CHSY3: variants seen among roughly 807,000 people sequenced by gnomAD.
CHSY3 encodes the protein chondroitin sulfate synthase 3.
Under a neutral mutation model 67.2 loss-of-function variants are expected in CHSY3, and 35 were observed. The observed-to-expected ratio is 0.52, with a 90% CI of 0.40 to 0.69. The LOEUF is 0.69. CHSY3 is among the 30% of genes least tolerant of loss of function. The pLI is 0.00. For missense variants in CHSY3, 1,069 were observed against 1,138.5 expected, an observed-to-expected ratio of 0.94 and a Z score of 0.88; for synonymous variants, 474 against 434.7, an observed-to-expected ratio of 1.09 and a Z score of -1.12.
At position 129,918,222 on chromosome 5, in the gene CHSY3, A is replaced by T. The variant is rs539802708; in HGVS notation, c.1086+9862A>T. Among the ~76,000 whole-genome samples, 3 of 152,324 alleles carry T rather than the reference A, an allele frequency of 2.0e-5. No homozygotes were observed. In the East Asian group the frequency reaches 5.8e-4, roughly 29 times the overall value. ...AAATATCCAAGGTGGATTTTAAAAC[A>T]TTCTCATAAAGATATGTTTTCACTG... On this transcript the variant is annotated intron_variant, in intron 2 of 2. Transcript: ENST00000305031.
At chr5:130,170,890 G>C (rs78677170) in intron 2 of CHSY3, among the ~76,000 whole-genome samples, 1,799 of 151,636 alleles carry the variant, frequency 0.012, 25 homozygotes, top group African/African-American at 0.039. Flanking sequence ...GTTTTTCAGA[G>C]GTCTTGAAAG....
At chr5:130,006,813 A>G (rs1763890896) in intron 2 of CHSY3, among the ~76,000 whole-genome samples, 1 of 152,226 alleles carries the variant, frequency 6.6e-6, no homozygotes, top group Admixed American at 6.5e-5. Flanking sequence ...TAAAAAATTT[A>G]TCTAATCCCA....
chr5:130,089,981 G>A (rs1766819882), intron 2 of CHSY3, among the ~76,000 whole-genome samples: 1 of 152,162 alleles, frequency 6.6e-6, no homozygotes, highest in African/African-American at 2.4e-5. Flanking sequence ...AAACACAGTA[G>A]AGGGAACGCA....
At chr5:130,031,908 A>T (rs370903929) in intron 2 of CHSY3, among the ~76,000 whole-genome samples, 13 of 152,308 alleles carry the variant, frequency 8.5e-5, no homozygotes, top group African/African-American at 3.1e-4. Flanking sequence ...CCCAAGCCAA[A>T]CATTTTGATA....
At chr5:129,963,012 G>A (rs1160216064) in intron 2 of CHSY3, among the ~76,000 whole-genome samples, 1 of 151,868 alleles carries the variant, frequency 6.6e-6, no homozygotes, top group Non-Finnish European at 1.5e-5. Context: ...GTTGCTGGGA[G>A]CCTCAAAGGT....
At chr5:129,975,398 T>G (rs1762777939) in intron 2 of CHSY3, among the ~76,000 whole-genome samples, 1 of 152,150 alleles carries the variant, frequency 6.6e-6, no homozygotes, top group African/African-American at 2.4e-5. Flanking sequence ...ACTTTCAATT[T>G]CTGAAGGAAG....
intron 2 of CHSY3, among the ~76,000 whole-genome samples, chr5:130,020,438 TATATATATATATATA>T (rs1471889575): frequency 5.1e-3 from 21 of 4,090 alleles, no homozygotes; most frequent in African/African-American, 8.7e-3. Context: ...TATATATATA[TATATATATATATATA>T]TATATATATT....
At chr5:130,128,503 C>G (rs1238104754) in intron 2 of CHSY3, among the ~76,000 whole-genome samples, 1 of 151,790 alleles carries the variant, frequency 6.6e-6, no homozygotes, top group Non-Finnish European at 1.5e-5. Context: ...TGGTAATTAC[C>G]AGAGGCTGAG....
At chr5:130,085,668 C>T (rs1766592669) in intron 2 of CHSY3, among the ~76,000 whole-genome samples, 1 of 151,558 alleles carries the variant, frequency 6.6e-6, no homozygotes, top group Non-Finnish European at 1.5e-5. Flanking sequence ...AATGTGTTTG[C>T]TCTTGCTTTT....
chr5:130,180,341 C>A (rs1770206568), intron 2 of CHSY3, among the ~76,000 whole-genome samples: 1 of 151,988 alleles, frequency 6.6e-6, no homozygotes. Flanking sequence ...CTATTGTTTT[C>A]TAAATAGCCT....
chr5:129,966,575 C>G lies in CHSY3; in HGVS notation c.1086+58215C>G, dbSNP rs890584726. Among the ~76,000 whole-genome samples, 6 of 151,598 alleles carry G rather than the reference C, an allele frequency of 4.0e-5. No individual in the cohort carries two copies. In the South Asian group the frequency reaches 6.3e-4, roughly 16 times the overall value. The stretch of plus-strand genomic sequence containing the variant: ...ATAACAAATACCTTTATTTGTGTCT[C>G]ATAACATCTCGGAGGTATGAAAATT... On this transcript the variant is annotated intron_variant, in intron 2 of 2. Coordinates refer to ENST00000305031, the MANE Select transcript of CHSY3 (RefSeq NM_175856.5).
intron 2 of CHSY3, among the ~76,000 whole-genome samples, chr5:130,089,957 T>C (rs1259632560): frequency 3.3e-5 from 5 of 152,188 alleles, no homozygotes; most frequent in African/African-American, 1.2e-4. Context: ...TGTAACTGAT[T>C]GATTGAACCA....
rs143500882 is a variant in CHSY3 at position 130,104,419 on chromosome 5, C to T, written c.1087-79810C>T. 9.9e-5 allele frequency among the ~76,000 whole-genome samples: 15 copies of T among 151,824 alleles called. No individual in the cohort carries two copies. In the East Asian group the frequency reaches 1.7e-3, roughly 18 times the overall value. On this transcript the variant is annotated intron_variant, in intron 2 of 2. Coordinates refer to ENST00000305031, the MANE Select transcript of CHSY3 (RefSeq NM_175856.5). ...TGTTTTCAGATACCTCCTTCCATCA[C>T]GGTAATGTGCTTTTGTTGATGAAAC...
chr5:129,985,361 C>T (rs2149625866), intron 2 of CHSY3, among the ~76,000 whole-genome samples: 1 of 152,238 alleles, frequency 6.6e-6, no homozygotes, highest in South Asian at 2.1e-4. Context: ...TCTGGGTTCT[C>T]TAACCTGTTC....
intron 2 of CHSY3, among the ~76,000 whole-genome samples, chr5:130,090,836 T>C (rs1766853367): frequency 6.6e-6 from 1 of 152,142 alleles, no homozygotes; most frequent in South Asian, 2.1e-4. Flanking sequence ...GATTAATACT[T>C]CCCAACACAG....
chr5:129,954,795 A>G (rs989392059), intron 2 of CHSY3, among the ~76,000 whole-genome samples: 1 of 152,118 alleles, frequency 6.6e-6, no homozygotes, highest in Non-Finnish European at 1.5e-5. Flanking sequence ...TTATTGATGT[A>G]TAGGAATGCT....
At chr5:129,999,901 C>A (rs1763669052) in intron 2 of CHSY3, among the ~76,000 whole-genome samples, 1 of 151,860 alleles carries the variant, frequency 6.6e-6, no homozygotes, top group South Asian at 2.1e-4. Context: ...AATTAGGATA[C>A]CACAGGCATA....
chr5:130,132,962 T>C (rs1768530323), intron 2 of CHSY3, among the ~76,000 whole-genome samples: 1 of 152,134 alleles, frequency 6.6e-6, no homozygotes, highest in South Asian at 2.1e-4. Flanking sequence ...ATAAAAGCAA[T>C]AGTTAATATT....
chr5:130,180,556 A>C (rs1162743354), intron 2 of CHSY3, among the ~76,000 whole-genome samples: 1 of 151,980 alleles, frequency 6.6e-6, no homozygotes, highest in Non-Finnish European at 1.5e-5. Flanking sequence ...TTAATATTTT[A>C]AAGTTTCTCA....
Sources: allele counts gnomAD v4.1 joint callset (sites outside exome capture counted in the v4.1 genomes callset), GRCh38; gene constraint gnomAD v4.1.1; transcripts MANE v1.5; gene names NCBI Gene and HGNC (gene_info 2026-07-23, HGNC 2026-07-21).